Variants in CTNNAL1 observed in about 807,000 individuals in gnomAD.
CTNNAL1 encodes the protein catenin alpha like 1.
CTNNAL1 carries 69 observed loss-of-function variants against 93.6 expected under a neutral mutation model. The ratio of observed to expected loss-of-function variants is 0.74; its 90% CI spans 0.61 to 0.90. The LOEUF is 0.90. Ranked by LOEUF, CTNNAL1 falls within the 40% of genes least tolerant of loss-of-function variation. The pLI is 0.00. For missense variants in CTNNAL1, 836 were observed against 862.0 expected (o/e 0.97, Z 0.38); for synonymous variants, 286 against 305.4 (o/e 0.94, Z 0.66).
At chr9:108,945,425 T>A (rs12349137) in intron 15 of CTNNAL1, among the ~76,000 whole-genome samples, 11,150 of 151,128 alleles carry the variant, frequency 0.074, 489 homozygotes, top group Admixed American at 0.13. Context: ...ATGTATTTTG[T>A]TTTTTTTTAC....
Position 108,952,318 on chromosome 9 carries a change from T to A in CTNNAL1, c.1726A>T (p.Thr576Ser). The change falls in exon 14 of 19, where the codon ACC (threonine) becomes TCC (serine). Residue 576 changes from threonine to serine, a missense_variant. Physicochemically the swap from Thr to Ser is moderately conservative, Grantham distance 58. Coordinates refer to ENST00000325551, the MANE Select transcript of CTNNAL1 (RefSeq NM_003798.4). ...AKLGLKLGLLTSDADCEIEKW... is the reference protein window; with the variant it reads ...AKLGLKLGLLSSDADCEIEKW... ...TCAATTTCGCAGTCAGCGTCAGAGGTGAGCAAACCCAGCTTAAGTCCAAGC... is the reference window on the plus strand; with the variant it reads ...TCAATTTCGCAGTCAGCGTCAGAGGAGAGCAAACCCAGCTTAAGTCCAAGC... 1 of 1,614,208 alleles carries A rather than the reference T, an allele frequency of 6.2e-7. No homozygotes were observed. Among genetic ancestry groups the A allele is most frequent in the Non-Finnish European group, 8.5e-7 (1 of 1,180,044 alleles).
At chr9:108,992,540 C>T (rs1296245259) in intron 3 of CTNNAL1, 92 bp downstream of exon 3, 1 of 1,440,688 alleles carries the variant, frequency 6.9e-7, no homozygotes, top group Non-Finnish European at 9.2e-7. Context: ...TTCATCGACA[C>T]ACAAGCCAAG....
chr9:108,971,747 A>C lies in CTNNAL1; in HGVS notation c.1347+928T>G, dbSNP rs111535693. Among the ~76,000 whole-genome samples the C allele has an allele frequency of 1.9e-3, 296 of 152,308 alleles. 2 individuals are homozygous for C. Among genetic ancestry groups the C allele is most frequent in the African/African-American group, 6.7e-3 (279 of 41,574 alleles). ...GTATGTCTTTATCAGCAGAGTGAGAACAGACTAATACAGTTGGGTTTTTTT... is the reference window on the plus strand; with the variant it reads ...GTATGTCTTTATCAGCAGAGTGAGACCAGACTAATACAGTTGGGTTTTTTT... On this transcript the variant is annotated intron_variant, in intron 9 of 18. Coordinates refer to ENST00000325551, the MANE Select transcript of CTNNAL1 (RefSeq NM_003798.4).
chr9:108,999,066 C>T lies in CTNNAL1; in HGVS notation c.331+1G>A, dbSNP rs762028410. 1.2e-6 allele frequency: 2 copies of T among 1,601,494 alleles called. No homozygotes were observed. The highest frequency in any genetic ancestry group is 1.7e-5 in the Admixed American group (1 of 57,728). ...AGTCTTCAAAATCAATATCCACCTA[C>T]CTGCTTGTTTAGCTTCAATACAAGC... On this transcript the variant is annotated splice_donor_variant, in intron 2 of 18. Transcript: ENST00000325551. LOFTEE classifies it high-confidence loss of function.
At chr9:108,962,803 T>C (rs1830853733) in intron 11 of CTNNAL1, among the ~76,000 whole-genome samples, 1 of 152,240 alleles carries the variant, frequency 6.6e-6, no homozygotes, top group Admixed American at 6.5e-5. Context: ...AATTAACTTA[T>C]TTTATTTAAT....
Position 108,969,007 on chromosome 9 carries a change from C to T in CTNNAL1, c.1440+1395G>A, listed in dbSNP as rs184515537. On this transcript the variant is annotated intron_variant, in intron 10 of 18. Coordinates refer to ENST00000325551, the MANE Select transcript of CTNNAL1 (RefSeq NM_003798.4). ...AAGGAAACAGCTGGGTGCAGTGGCT[C>T]ACGCCTGTAATCCCAGCACTTTGGG... is the stretch of plus-strand genomic sequence containing the variant. Among the ~76,000 whole-genome samples, 5 of 152,236 alleles carry T rather than the reference C, an allele frequency of 3.3e-5. No individual in the cohort carries two copies. The East Asian group carries it at 9.6e-4, about 29-fold the overall frequency.
intron 1 of CTNNAL1, among the ~76,000 whole-genome samples, chr9:109,011,281 G>C (rs1827194632): frequency 6.6e-6 from 1 of 151,996 alleles, no homozygotes; most frequent in Admixed American, 6.6e-5. Context: ...TATCAGTTAT[G>C]GTGTTGTGGT....
intron 1 of CTNNAL1, among the ~76,000 whole-genome samples, chr9:109,000,852 T>C (rs2132202514): frequency 6.6e-6 from 1 of 151,534 alleles, no homozygotes; most frequent in East Asian, 1.9e-4. Context: ...GAATATAGGG[T>C]TCTGGAATTG....
rs1827285848 is a variant in CTNNAL1 at position 109,013,497 on chromosome 9, G to C, written c.-55C>G. Reference sequence around the variant, plus strand: ...CCGCGCCGCGGCGAGCCTGCCGCCAGTCAGCCCACCCGCCCGAGGCGGCGG... The same window carrying C: ...CCGCGCCGCGGCGAGCCTGCCGCCACTCAGCCCACCCGCCCGAGGCGGCGG... On this transcript the variant is annotated 5_prime_UTR_variant, in exon 1 of 19. Transcript: ENST00000325551. 7 of 1,309,542 alleles carry C rather than the reference G, an allele frequency of 5.3e-6. No homozygotes were observed. In the East Asian group the frequency reaches 1.3e-4, roughly 24 times the overall value. The allele number at this position is 1,309,542 out of a possible 1,614,324, so 81.1% of individuals were successfully genotyped here. A position where few individuals can be genotyped will look rare whatever the true frequency, so the allele number is the denominator to read the frequency against.
chr9:108,949,067 A>G (rs1200932897), intron 14 of CTNNAL1, among the ~76,000 whole-genome samples: 1 of 152,234 alleles, frequency 6.6e-6, no homozygotes, highest in African/African-American at 2.4e-5. Flanking sequence ...ATTATTAAGA[A>G]ATATGAATGA....
chr9:108,950,445 C>T, intron 14 of CTNNAL1: 1 of 1,518,046 alleles, frequency 6.6e-7, no homozygotes, highest in South Asian at 1.2e-5. Flanking sequence ...AAGGTACTGA[C>T]AAATGACAGC....
chr9:108,972,864 G>GGGGCGCCCCCC, intron 8 of CTNNAL1, 31 bp from the exon 9 acceptor site: 11 of 142,540 alleles, frequency 7.7e-5, no homozygotes, highest in Non-Finnish European at 1.1e-4. Context: ...GGGGGGGTGG[G>GGGGCGCCCCCC]AGGGTGGAGA....
At chr9:108,958,193 T>C (rs1023316634) in intron 11 of CTNNAL1, among the ~76,000 whole-genome samples, 1 of 152,102 alleles carries the variant, frequency 6.6e-6, no homozygotes, top group Non-Finnish European at 1.5e-5. Flanking sequence ...AGTAATCTTG[T>C]ATTATCTAAC....
At position 108,999,199 on chromosome 9, in the gene CTNNAL1, C is replaced by T. The variant is rs747045797; in HGVS notation, c.199G>A (p.Ala67Thr). The T allele has an allele frequency of 6.8e-6, 11 of 1,612,268 alleles. No individual in the cohort carries two copies. The South Asian group carries it at 1.2e-4, about 18-fold the overall frequency. ...NTKKSDKTLQAIQRVGQAVNL... is the reference protein window; with the variant it reads ...NTKKSDKTLQTIQRVGQAVNL... ...ACAGCTTGTCCTACACGCTGAATTGCTTGCAGAGTTTTATCAGACTTTTTG... is the reference window on the plus strand; with the variant it reads ...ACAGCTTGTCCTACACGCTGAATTGTTTGCAGAGTTTTATCAGACTTTTTG... Residue 67 changes from alanine to threonine, a missense_variant, in exon 2 of 19, where the codon GCA becomes ACA. By Grantham distance (58) the Ala-to-Thr change is moderately conservative. Coordinates refer to ENST00000325551, the MANE Select transcript of CTNNAL1 (RefSeq NM_003798.4).
At chr9:108,976,604 C>G (rs1453549965) in intron 8 of CTNNAL1, among the ~76,000 whole-genome samples, 1 of 151,964 alleles carries the variant, frequency 6.6e-6, no homozygotes, top group East Asian at 1.9e-4. Context: ...GATCATGGCT[C>G]ACTGCAGCCT....
In CTNNAL1 at chr9:108,942,757, C is replaced by T; in HGVS notation, c.*12G>A. 3.2e-6 allele frequency: 5 copies of T among 1,559,604 alleles called. No individual in the cohort carries two copies. Among genetic ancestry groups the T allele is most frequent in the Non-Finnish European group, 4.4e-6 (5 of 1,132,442 alleles). ...TCACATGATGTTCCAGAGATCTGAC[C>T]CCAAAAGCTTCTCAAGTTTTACTAT... On this transcript the variant is annotated 3_prime_UTR_variant, in exon 19 of 19. Coordinates refer to ENST00000325551, the MANE Select transcript of CTNNAL1 (RefSeq NM_003798.4).
chr9:108,970,586 A>ATTTG, intron 9 of CTNNAL1, 92 bp from the exon 10 acceptor site: 1 of 1,130,412 alleles, frequency 8.8e-7, no homozygotes, highest in Non-Finnish European at 1.2e-6. Flanking sequence ...AATTTTACAA[A>ATTTG]TAAAATTTCT....
intron 4 of CTNNAL1, among the ~76,000 whole-genome samples, chr9:108,986,658 C>T (rs1309042690): frequency 2.3e-4 from 35 of 149,878 alleles, no homozygotes; most frequent in East Asian, 1.8e-3. Flanking sequence ...TGTAAAAGTG[C>T]TCCTATTTCT....
At chr9:109,005,721 AG>A (rs2132216636) in intron 1 of CTNNAL1, among the ~76,000 whole-genome samples, 1 of 152,358 alleles carries the variant, frequency 6.6e-6, no homozygotes, top group Non-Finnish European at 1.5e-5. Flanking sequence ...GAACAGATTA[AG>A]GTGATTCTGT....
Sources: gnomAD v4.1 joint callset for allele counts (sites outside exome capture counted in the v4.1 genomes callset) on GRCh38, gnomAD v4.1.1 for gene constraint, MANE v1.5 for transcripts, NCBI Gene and HGNC (gene_info 2026-07-23, HGNC 2026-07-21) for gene names.